ERAP2: variants seen among roughly 807,000 people sequenced by gnomAD.
ERAP2 encodes the protein endoplasmic reticulum aminopeptidase 2.
ERAP2 carries 118 observed loss-of-function variants against 111.1 expected under a neutral mutation model. The ratio of observed to expected loss-of-function variants is 1.06; its 90% CI spans 0.92 to 1.24. ERAP2 has a LOEUF of 1.24. Among genes scored for constraint, ERAP2 ranks in the 50% most tolerant of loss-of-function variants. The pLI is 0.00. For missense variants in ERAP2, 1,131 were observed against 1,125.8 expected, an observed-to-expected ratio of 1.00 and a Z score of -0.07; for synonymous variants, 410 against 401.2, an observed-to-expected ratio of 1.02 and a Z score of -0.26.
At position 96,909,131 on chromosome 5, in the gene ERAP2, T is replaced by C; in HGVS notation, c.2169+14T>C. On this transcript the variant is annotated intron_variant, in intron 14 of 18. Transcript: ENST00000437043. The stretch of plus-strand genomic sequence containing the variant: ...GAAAACCTCAAGGTTTGTGTTGCTT[T>C]TAGAAAATGTATTAAGTAAATACAC... 6.2e-7 allele frequency: 1 copy of C among 1,612,248 alleles called. No homozygotes were observed. Among genetic ancestry groups the C allele is most frequent in the Non-Finnish European group, 8.5e-7 (1 of 1,178,460 alleles).
Position 96,880,219 on chromosome 5 carries a change from G to A in ERAP2, c.534G>A (p.Gly178=). ...FQAKLGDGFE[G]FYKSTYRTLG... ...CCAAGTTAGGTGATGGCTTTGAAGG[G>A]TTTTATAAAAGCACATACAGAACTC... The change falls in exon 2 of 19, where the codon GGG becomes GGA. Residue 178 remains glycine (G), a synonymous_variant. Transcript: ENST00000437043. The A allele has an allele frequency of 6.2e-7, 1 of 1,613,982 alleles. No individual in the cohort carries two copies. Among genetic ancestry groups the A allele is most frequent in the Non-Finnish European group, 8.5e-7 (1 of 1,179,948 alleles).
chr5:96,900,378 C>G (rs548502230), intron 10 of ERAP2, 189 bp downstream of exon 10: 3 of 882,728 alleles, frequency 3.4e-6, no homozygotes, highest in East Asian at 2.8e-5. Context: ...GCTGTTGCTA[C>G]TATATTTTTG....
Position 96,879,799 on chromosome 5 carries a change from C to G in ERAP2, c.114C>G (p.Phe38Leu), listed in dbSNP as rs144285538. 7.2e-4 allele frequency: 1,161 copies of G among 1,614,172 alleles called. No homozygotes were observed. The highest frequency in any genetic ancestry group is 9.0e-4 in the Non-Finnish European group (1,062 of 1,180,024). ...ILPQICICSQFSVPSSYHFTE... is the reference protein window; with the variant it reads ...ILPQICICSQLSVPSSYHFTE... The stretch of plus-strand genomic sequence containing the variant: ...CCCAAATATGCATTTGTTCTCAGTT[C>G]TCAGTGCCATCTAGTTATCACTTCA... Residue 38 changes from phenylalanine to leucine, a missense_variant, in exon 2 of 19, where the codon TTC (phenylalanine) becomes TTG (leucine). Around this residue, in one of 3 missense-constraint regions of ERAP2, gnomAD observed 847 missense variants for 856.5 expected, o/e 0.99. Coordinates refer to ENST00000437043, the MANE Select transcript of ERAP2 (RefSeq NM_022350.5).
chr5:96,911,398 A>T (rs1008891318), intron 15 of ERAP2, among the ~76,000 whole-genome samples: 2 of 152,216 alleles, frequency 1.3e-5, no homozygotes, highest in Admixed American at 1.3e-4. Flanking sequence ...GCCCACTTAG[A>T]ATAAAAACTG....
intron 10 of ERAP2, 28 bp downstream of exon 10, chr5:96,900,217 AAG>A: frequency 6.2e-7 from 1 of 1,612,890 alleles, no homozygotes; most frequent in Non-Finnish European, 8.5e-7. Flanking sequence ...CACAGAGTAG[AAG>A]AGATCTGTGG....
chr5:96,888,864 T>C (rs1321958773), intron 4 of ERAP2, among the ~76,000 whole-genome samples: 1 of 152,184 alleles, frequency 6.6e-6, no homozygotes, highest in Non-Finnish European at 1.5e-5. Context: ...TGTTAAAGTA[T>C]ATCATAGAGA....
intron 15 of ERAP2, among the ~76,000 whole-genome samples, chr5:96,912,295 G>A (rs1786887059): frequency 6.6e-6 from 1 of 151,188 alleles, no homozygotes; most frequent in African/African-American, 2.4e-5. Flanking sequence ...ACCAATAGTG[G>A]CCACTAAATG....
rs1784081653 is a variant in ERAP2 at position 96,889,279 on chromosome 5, A to G, written c.944A>G (p.Asp315Gly). ...CTTGATTTTTATGAAAAGTACTTTG[A>G]TATCTACTATCCACTCTCCAAACTG... ...KLLDFYEKYFDIYYPLSKLDL... is the reference protein window; with the variant it reads ...KLLDFYEKYFGIYYPLSKLDL... The change falls in exon 5 of 19, where the codon GAT becomes GGT. Residue 315 changes from aspartate (D) to glycine (G), a missense_variant. Coordinates refer to ENST00000437043, the MANE Select transcript of ERAP2 (RefSeq NM_022350.5). 1 of 1,613,966 alleles carries G rather than the reference A, an allele frequency of 6.2e-7. No homozygotes were observed. Among genetic ancestry groups the G allele is most frequent in the Non-Finnish European group, 8.5e-7 (1 of 1,179,860 alleles).
intron 2 of ERAP2, among the ~76,000 whole-genome samples, chr5:96,882,956 CA>C (rs1350142660): frequency 1.3e-5 from 2 of 152,020 alleles, no homozygotes; most frequent in African/African-American, 4.8e-5. Context: ...GCTTAAAGTC[CA>C]AAGAGTAAAT....
At chr5:96,895,399 A>T (rs767359731) in intron 7 of ERAP2, 40 bp downstream of exon 7, 1 of 1,301,176 alleles carries the variant, frequency 7.7e-7, no homozygotes. Context: ...TATGGTGTAA[A>T]GAATCATCAA....
chr5:96,896,965 T>TAAGTCATATGTTGGGTAACGATGGACTG (rs1234064734), intron 9 of ERAP2, 102 bp downstream of exon 9: 1 of 970,030 alleles, frequency 1.0e-6, no homozygotes, highest in South Asian at 2.3e-5. Context: ...GTCAACCATA[T>TAAGTCATATGTTGGGTAACGATGGACTG]TTATTCTGCT....
intron 6 of ERAP2, among the ~76,000 whole-genome samples, chr5:96,892,745 G>T (rs1462400807): frequency 6.6e-6 from 1 of 152,178 alleles, no homozygotes; most frequent in African/African-American, 2.4e-5. Context: ...ACAGACACAT[G>T]AAGCACAGAA....
chr5:96,895,266 A>G lies in ERAP2; in HGVS notation c.1146A>G (p.Thr382=). 6.2e-7 allele frequency: 1 copy of G among 1,611,874 alleles called. No homozygotes were observed. The highest frequency in any genetic ancestry group is 8.5e-7 in the Non-Finnish European group (1 of 1,178,706). ...CCTAGTGGTTTGGCAACCTGGTCAC[A>G]ATGGAATGGTGGAATGATATTTGGC... ...LAHQWFGNLV[T]MEWWNDIWLK... is the part of the protein sequence containing the mutation. Residue 382 remains threonine, a synonymous_variant, in exon 7 of 19, where the codon ACA becomes ACG. Coordinates refer to ENST00000437043, the MANE Select transcript of ERAP2 (RefSeq NM_022350.5).
At chr5:96,915,124 C>T (rs1377740836) in intron 17 of ERAP2, among the ~76,000 whole-genome samples, 2 of 152,096 alleles carry the variant, frequency 1.3e-5, no homozygotes, top group African/African-American at 4.8e-5. Context: ...TCTCCTGCCT[C>T]AGCCTCCTGA....
Position 96,914,941 on chromosome 5 carries a change from ATACAT to A in ERAP2, c.2658-744_2658-740del, listed in dbSNP as rs577193246. 1.5e-3 allele frequency among the ~76,000 whole-genome samples: 162 copies of A among 106,108 alleles called. 1 individual carries two copies. The highest frequency in any genetic ancestry group is 9.9e-3 in the Middle Eastern group (2 of 202). The allele number at this position is 106,108 out of a possible 152,430, so 69.6% of individuals were successfully genotyped here. On this transcript the variant is annotated intron_variant, in intron 17 of 18. Transcript: ENST00000437043. The stretch of plus-strand genomic sequence containing the variant: ...ATATATAGTATAAAAAGTTAAATAA[ATACAT>A]TATTTATTTCATGCTTTTAATTTTT...
intron 3 of ERAP2, among the ~76,000 whole-genome samples, chr5:96,886,028 G>A (rs969782920): frequency 6.6e-6 from 1 of 152,190 alleles, no homozygotes; most frequent in African/African-American, 2.4e-5. Context: ...AAGCTGTCAC[G>A]CAGCAAGTGA....
rs1217638873 is a variant in ERAP2 at position 96,917,787 on chromosome 5, T to C, written c.*182T>C. The C allele has an allele frequency of 2.9e-6, 1 of 343,246 alleles. No homozygotes were observed. Among genetic ancestry groups the C allele is most frequent in the African/African-American group, 2.2e-5 (1 of 45,670 alleles). The allele number at this position is 343,246 out of a possible 1,614,324, so 21.3% of individuals were successfully genotyped here. ...CGGGCATGGTGGCAGGTGCCTGTAG[T>C]CCCAGCTACTCGGCAGGCTGCAGCA... On this transcript the variant is annotated 3_prime_UTR_variant, in exon 19 of 19. Coordinates refer to ENST00000437043, the MANE Select transcript of ERAP2 (RefSeq NM_022350.5).
At chr5:96,889,399 C>A in intron 5 of ERAP2, 94 bp downstream of exon 5, 1 of 1,372,352 alleles carries the variant, frequency 7.3e-7, no homozygotes. Flanking sequence ...TTTAAATGAG[C>A]ACTGAGGAAT....
intron 2 of ERAP2, among the ~76,000 whole-genome samples, chr5:96,881,815 C>G (rs1783163435): frequency 6.6e-6 from 1 of 152,160 alleles, no homozygotes; most frequent in Non-Finnish European, 1.5e-5. Context: ...CCACTTGAAT[C>G]TAACACTCTT....
Sources: gnomAD v4.1 joint callset for allele counts (sites outside exome capture counted in the v4.1 genomes callset) on GRCh38, gnomAD v4.1.1 for gene constraint, gnomAD v4.1.1 regional missense constraint, MANE v1.5 for transcripts, NCBI Gene and HGNC (gene_info 2026-07-23, HGNC 2026-07-21) for gene names.